Variants in ADGRE3 observed in about 807,000 individuals in gnomAD.
ADGRE3 encodes the protein adhesion G protein-coupled receptor E3, also known as EGF-like module receptor 3.
Under a neutral mutation model 80.1 loss-of-function variants are expected in ADGRE3, and 88 were observed. That is an observed-to-expected ratio of 1.10 (90% confidence interval 0.93 to 1.31). The LOEUF (loss-of-function observed/expected upper bound fraction) is 1.31. Among genes scored for constraint, ADGRE3 ranks in the 40% most tolerant of loss-of-function variants. The pLI is 0.00. For synonymous variants in ADGRE3, 281 were observed against 294.8 expected (o/e 0.95, Z 0.48); for missense variants, 715 against 776.5 (o/e 0.92, Z 0.94).
At chr19:14,624,157 C>T (rs376777951) in intron 15 of ADGRE3, among the ~76,000 whole-genome samples, 35 of 150,688 alleles carry the variant, frequency 2.3e-4, no homozygotes, top group African/African-American at 4.9e-4. Flanking sequence ...TGCAATGGCA[C>T]GAGCTCGGCT....
intron 14 of ADGRE3, among the ~76,000 whole-genome samples, chr19:14,626,628 A>G (rs951177447): frequency 6.6e-6 from 1 of 152,092 alleles, no homozygotes; most frequent in African/African-American, 2.4e-5. Context: ...TGGAAGTGTA[A>G]GGAGTTTATT....
downstream of ADGRE3, among the ~76,000 whole-genome samples, chr19:14,615,390 C>T (rs1460240807): frequency 6.6e-6 from 1 of 151,856 alleles, no homozygotes; most frequent in Non-Finnish European, 1.5e-5. Context: ...TAAAGCTCCA[C>T]CTGCCTAGAG....
intron 8 of ADGRE3, 26 bp downstream of exon 8, chr19:14,647,154 CA>C: frequency 6.2e-7 from 1 of 1,604,056 alleles, no homozygotes; most frequent in Non-Finnish European, 8.5e-7. Flanking sequence ...TGAGAACCCA[CA>C]AGCTCAAATC....
Position 14,663,496 on chromosome 19 carries a change from T to C in ADGRE3, c.121A>G (p.Thr41Ala), listed in dbSNP as rs776822310. The change falls in exon 3 of 16, where the codon ACT (threonine) becomes GCT (alanine). Residue 41 changes from threonine to alanine, a missense_variant. Transcript: ENST00000253673. Reference sequence around the variant, plus strand: ...TATCCATGGTTGCAGGTGCAGTGAGTGTTATTGACACAGGAAGCATTTGGG... The same window carrying C: ...TATCCATGGTTGCAGGTGCAGTGAGCGTTATTGACACAGGAAGCATTTGGG... ...CPPNASCVNN[T>A]HCTCNHGYTS... 4 of 1,613,322 alleles carry C rather than the reference T, an allele frequency of 2.5e-6. No homozygotes were observed. Among genetic ancestry groups the C allele is most frequent in the Non-Finnish European group, 3.4e-6 (4 of 1,179,552 alleles).
rs113141770 is a variant in ADGRE3 at position 14,671,831 on chromosome 19, G to T, written c.25+2915C>A. Among the ~76,000 whole-genome samples, 1,170 of 151,618 alleles carry T rather than the reference G, an allele frequency of 7.7e-3. 15 individuals carry two copies. The highest frequency in any genetic ancestry group is 0.027 in the African/African-American group (1,133 of 41,282). ...AGGCAGGTTCTTTTTCTGTTGCCCCGGTTGGAGTGCAGTGGTGCAATCATA... is the reference window on the plus strand; with the variant it reads ...AGGCAGGTTCTTTTTCTGTTGCCCCTGTTGGAGTGCAGTGGTGCAATCATA... On this transcript the variant is annotated intron_variant, in intron 1 of 15. Transcript: ENST00000253673.
chr19:14,636,561 C>T (rs915796027), intron 11 of ADGRE3, among the ~76,000 whole-genome samples: 1 of 151,974 alleles, frequency 6.6e-6, no homozygotes, highest in African/African-American at 2.4e-5. Flanking sequence ...GAACAACACC[C>T]CAAACCCTCT....
rs772617742 is a variant in ADGRE3 at position 14,632,937 on chromosome 19, T to C, written c.1627A>G (p.Thr543Ala). 2 of 1,611,678 alleles carry C rather than the reference T, an allele frequency of 1.2e-6. No individual in the cohort carries two copies. The highest frequency in any genetic ancestry group is 2.2e-5 in the East Asian group (1 of 44,888). ...KLSSLNSEVS[T>A]IQNTRMLAFK... Reference sequence around the variant, plus strand: ...ACATCCTACCTTGTGTTCTGGATGGTTGACACTTCACTATTGAGGGAGGAA... The same window carrying C: ...ACATCCTACCTTGTGTTCTGGATGGCTGACACTTCACTATTGAGGGAGGAA... The change falls in exon 13 of 16, where the codon ACC becomes GCC. Residue 543 changes from threonine (T) to alanine (A), a missense_variant. Coordinates refer to ENST00000253673, the MANE Select transcript of ADGRE3 (RefSeq NM_032571.5).
downstream of ADGRE3, among the ~76,000 whole-genome samples, chr19:14,618,284 G>A (rs1018462044): frequency 4.6e-5 from 7 of 151,990 alleles, no homozygotes; most frequent in African/African-American, 1.7e-4. Flanking sequence ...CAGGCGCGAT[G>A]GCTTGTGTCT....
chr19:14,645,478 G>A (rs1192725718), intron 8 of ADGRE3, among the ~76,000 whole-genome samples: 2 of 151,956 alleles, frequency 1.3e-5, no homozygotes, highest in Non-Finnish European at 2.9e-5. Flanking sequence ...GTCCAACATG[G>A]CCAGACATCA....
chr19:14,655,645 A>T (rs748612553), intron 5 of ADGRE3, among the ~76,000 whole-genome samples: 10 of 150,658 alleles, frequency 6.6e-5, no homozygotes, highest in Non-Finnish European at 1.5e-4. Context: ...TTTTTTTTGT[A>T]TAGACAGGGT....
chr19:14,618,498 G>A (rs1210475498), downstream of ADGRE3, among the ~76,000 whole-genome samples: 1 of 151,922 alleles, frequency 6.6e-6, no homozygotes, highest in Non-Finnish European at 1.5e-5. Flanking sequence ...AGGTTGCAGT[G>A]AGCCTAGATC....
the ADGRE3 span, among the ~76,000 whole-genome samples, chr19:14,608,446 C>T: frequency 7.9e-5 from 12 of 152,040 alleles, no homozygotes; most frequent in Admixed American, 7.9e-4. Flanking sequence ...GTCTAGCATC[C>T]CAGGCTTGGC....
rs577407925 is a variant in ADGRE3, at chr19:14,640,586, C to A, written c.1248+833G>T. ...GATTACAGGTGTGAGCCACTGTGCC[C>A]GGCCACCGAGACAACTTTAGATCCT... On this transcript the variant is annotated intron_variant, in intron 10 of 15. Coordinates refer to ENST00000253673, the MANE Select transcript of ADGRE3 (RefSeq NM_032571.5). 1.1e-3 allele frequency among the ~76,000 whole-genome samples: 159 copies of A among 150,702 alleles called. 1 individual carries two copies. Among genetic ancestry groups the A allele is most frequent in the African/African-American group, 3.6e-3 (147 of 40,990 alleles).
the ADGRE3 span, chr19:14,607,072 G>A: frequency 7.5e-7 from 1 of 1,339,386 alleles, no homozygotes; most frequent in Non-Finnish European, 9.6e-7. Context: ...GGGGACTGGA[G>A]GTGGCTGGAT....
chr19:14,619,449 A>C lies in ADGRE3; in HGVS notation c.1943T>G (p.Val648Gly). ...ATTCTAGTTTTAATATTTTCTCTTC[A>C]CTTGTCCTGGAAAAACATCCCCCTA... is the stretch of plus-strand genomic sequence containing the variant. ...PSEGDVFPGQVKRKY is the reference protein window; with the variant it reads ...PSEGDVFPGQGKRKY The change falls in exon 16 of 16, where the codon GTG (valine) becomes GGG (glycine). Residue 648 changes from valine to glycine, a missense_variant. By Grantham distance (109) the Val-to-Gly change is moderately radical. Coordinates refer to ENST00000253673, the MANE Select transcript of ADGRE3 (RefSeq NM_032571.5). 6.3e-7 allele frequency: 1 copy of C among 1,594,060 alleles called. No individual in the cohort carries two copies. Among genetic ancestry groups the C allele is most frequent in the Non-Finnish European group, 8.6e-7 (1 of 1,162,266 alleles).
intron 11 of ADGRE3, 98 bp downstream of exon 11, chr19:14,638,007 G>A (rs141004235): frequency 1.1e-5 from 9 of 831,930 alleles, no homozygotes; most frequent in Non-Finnish European, 1.4e-5. Context: ...AGAACGTAGA[G>A]TGCATTGGTT....
the ADGRE3 span, among the ~76,000 whole-genome samples, chr19:14,604,229 A>G: frequency 6.6e-6 from 1 of 152,268 alleles, no homozygotes; most frequent in East Asian, 1.9e-4. Flanking sequence ...TCTGCTTTTT[A>G]GAGTCTCCAA....
chr19:14,627,764 G>A (rs1414702508), intron 14 of ADGRE3, among the ~76,000 whole-genome samples: 1 of 152,126 alleles, frequency 6.6e-6, no homozygotes, highest in Non-Finnish European at 1.5e-5. Context: ...ACAGACTACT[G>A]TTCAGTTGCA....
At chr19:14,650,290 AC>A (rs1177198363) in intron 7 of ADGRE3, among the ~76,000 whole-genome samples, 1 of 119,774 alleles carries the variant, frequency 8.3e-6, no homozygotes, top group Non-Finnish European at 1.7e-5. Context: ...CTGTCTTTCC[AC>A]CACTCTCCCC....
Sources: allele counts gnomAD v4.1 joint callset (sites outside exome capture counted in the v4.1 genomes callset), GRCh38; gene constraint gnomAD v4.1.1; transcripts MANE v1.5; gene names NCBI Gene and HGNC (gene_info 2026-07-23, HGNC 2026-07-21).